CRTAC1: variants seen among roughly 807,000 people sequenced by gnomAD.
CRTAC1 encodes the protein cartilage acidic protein 1, also known as acidic secreted protein in cartilage.
Under a neutral mutation model 67.8 loss-of-function variants are expected in CRTAC1, and 37 were observed. The ratio of observed to expected loss-of-function variants is 0.55; its 90% confidence interval spans 0.42 to 0.72. The LOEUF (loss-of-function observed/expected upper bound fraction) is 0.72. Ranked by LOEUF, CRTAC1 falls within the 30% of genes least tolerant of loss-of-function variation. The pLI is 0.00. For missense variants in CRTAC1, 780 were observed against 931.6 expected (o/e 0.84, Z 2.12); for synonymous variants, 348 against 371.0 (o/e 0.94, Z 0.71).
chr10:97,887,536 CA>C (rs1357831279), intron 11 of CRTAC1, among the ~76,000 whole-genome samples: 1 of 152,206 alleles, frequency 6.6e-6, no homozygotes, highest in Non-Finnish European at 1.5e-5. Context: ...GAGTCACCAC[CA>C]CCAGCGGGAC....
At chr10:98,015,965 T>C (rs899280942) in intron 1 of CRTAC1, among the ~76,000 whole-genome samples, 2 of 152,208 alleles carry the variant, frequency 1.3e-5, no homozygotes, top group African/African-American at 4.8e-5. Flanking sequence ...TGCCTCTGGA[T>C]CTAAGGAGCT....
At chr10:97,939,495 C>T (rs2051139866) in intron 2 of CRTAC1, among the ~76,000 whole-genome samples, 2 of 152,102 alleles carry the variant, frequency 1.3e-5, no homozygotes, top group East Asian at 1.9e-4. Flanking sequence ...AAAGCCAGAC[C>T]AACAGCTCCT....
chr10:97,880,522 A>G, intron 13 of CRTAC1, 130 bp from the exon 14 acceptor site: 1 of 1,193,750 alleles, frequency 8.4e-7, no homozygotes, highest in Non-Finnish European at 1.2e-6. Flanking sequence ...TCCCTGCTTC[A>G]GTTCCCTTGG....
intron 2 of CRTAC1, among the ~76,000 whole-genome samples, chr10:97,991,570 A>G (rs1215903352): frequency 6.6e-6 from 1 of 152,186 alleles, no homozygotes; most frequent in Non-Finnish European, 1.5e-5. Context: ...GTATTAAAGA[A>G]ACATATTCAT....
intron 11 of CRTAC1, among the ~76,000 whole-genome samples, chr10:97,894,441 C>A (rs1206641863): frequency 6.6e-6 from 1 of 151,594 alleles, no homozygotes; most frequent in African/African-American, 2.4e-5. Context: ...CCAGCATAGG[C>A]TGGAGTGCAG....
intron 2 of CRTAC1, among the ~76,000 whole-genome samples, chr10:98,005,100 A>ATATATATATATATTTTTTTTTTTT: frequency 4.1e-5 from 2 of 48,884 alleles, no homozygotes; most frequent in African/African-American, 2.3e-4. Flanking sequence ...ATATATATAT[A>ATATATATATATATTTTTTTTTTTT]TTTTTTTTTT....
chr10:97,929,508 G>A (rs1167091934), intron 3 of CRTAC1, among the ~76,000 whole-genome samples: 1 of 152,148 alleles, frequency 6.6e-6, no homozygotes, highest in Non-Finnish European at 1.5e-5. Flanking sequence ...TAGAGAGAAG[G>A]GTGGGCAGGT....
chr10:97,979,293 C>A (rs2051855230), intron 2 of CRTAC1, among the ~76,000 whole-genome samples: 1 of 152,170 alleles, frequency 6.6e-6, no homozygotes, highest in African/African-American at 2.4e-5. Flanking sequence ...CTCAGTTAGA[C>A]CCTGTGTGGA....
intron 2 of CRTAC1, among the ~76,000 whole-genome samples, chr10:97,974,911 CAGG>C (rs1312008625): frequency 6.6e-6 from 1 of 152,126 alleles, no homozygotes; most frequent in African/African-American, 2.4e-5. Flanking sequence ...TCGGCGCAGA[CAGG>C]AGGAGGGAGA....
At chr10:97,947,352 G>A (rs956796849) in intron 2 of CRTAC1, among the ~76,000 whole-genome samples, 1 of 152,204 alleles carries the variant, frequency 6.6e-6, no homozygotes, top group African/African-American at 2.4e-5. Context: ...GCCAAAAATT[G>A]TTGGGGTAAA....
At chr10:97,922,051 T>G (rs1202163988) in intron 4 of CRTAC1, among the ~76,000 whole-genome samples, 2 of 152,104 alleles carry the variant, frequency 1.3e-5, no homozygotes, top group African/African-American at 4.8e-5. Context: ...CCACGTTAGC[T>G]GAGTGTCAAA....
At chr10:97,885,389 A>G (rs1035617184) in intron 11 of CRTAC1, among the ~76,000 whole-genome samples, 1 of 152,234 alleles carries the variant, frequency 6.6e-6, no homozygotes, top group African/African-American at 2.4e-5. Context: ...TGATAAAGAG[A>G]TGGCAGGTGG....
intron 5 of CRTAC1, among the ~76,000 whole-genome samples, chr10:97,914,237 G>T (rs866914177): frequency 5.9e-5 from 9 of 152,302 alleles, no homozygotes; most frequent in Middle Eastern, 3.4e-3. Flanking sequence ...GACACACAGA[G>T]AATGTTTCCC....
chr10:97,928,155 C>T (rs1156891819), intron 3 of CRTAC1, among the ~76,000 whole-genome samples: 2 of 152,208 alleles, frequency 1.3e-5, no homozygotes, highest in Non-Finnish European at 2.9e-5. Flanking sequence ...TAGTGATTCC[C>T]ATTTCCACCC....
chr10:97,995,842 G>A (rs1374336794), intron 2 of CRTAC1, among the ~76,000 whole-genome samples: 2 of 152,118 alleles, frequency 1.3e-5, no homozygotes, highest in Non-Finnish European at 2.9e-5. Context: ...CGGCCCTAGA[G>A]GTGGATACAA....
At chr10:98,014,079 A>G (rs1842954336) in intron 1 of CRTAC1, among the ~76,000 whole-genome samples, 1 of 152,216 alleles carries the variant, frequency 6.6e-6, no homozygotes, top group African/African-American at 2.4e-5. Flanking sequence ...TTTTTGGGCA[A>G]TGGTTACGGT....
Position 97,884,195 on chromosome 10 carries a change from C to A in CRTAC1, c.1632+11G>T, listed in dbSNP as rs370346848. 1.3e-5 allele frequency: 21 copies of A among 1,561,314 alleles called. No homozygotes were observed. The highest frequency in any genetic ancestry group is 1.8e-5 in the Non-Finnish European group (21 of 1,152,146). ...CTTTTCTGGCTATGAGGCCCAGATG[C>A]CTTTGCCCACCTCCAGTGGGGCTGG... On this transcript the variant is annotated intron_variant, in intron 12 of 14. Coordinates refer to ENST00000370597, the MANE Select transcript of CRTAC1 (RefSeq NM_018058.7).
chr10:97,970,171 G>A (rs779516084), intron 2 of CRTAC1, among the ~76,000 whole-genome samples: 5 of 152,052 alleles, frequency 3.3e-5, no homozygotes, highest in African/African-American at 9.7e-5. Context: ...AAATCCTGTC[G>A]GCTCTACCTT....
rs534449300 is a variant in CRTAC1, at chr10:97,878,514, C to T, written c.1819+1735G>A. ...ATTCTTAAGTGTAATTTTATTATAT[C>T]CTGGGATGACTTTTTTTCCCCATGA... On this transcript the variant is annotated intron_variant, in intron 14 of 14. Transcript: ENST00000370597. 61 of 987,772 alleles carry T rather than the reference C, an allele frequency of 6.2e-5. No homozygotes were observed. In the East Asian group the frequency reaches 3.6e-3, roughly 58 times the overall value. The allele number at this position is 987,772 out of a possible 1,614,324, so 61.2% of individuals were successfully genotyped here.
Sources: allele counts gnomAD v4.1 joint callset (sites outside exome capture counted in the v4.1 genomes callset), GRCh38; gene constraint gnomAD v4.1.1; transcripts MANE v1.5; gene names NCBI Gene and HGNC (gene_info 2026-07-23, HGNC 2026-07-21).